CFAP299: variants seen among roughly 807,000 people sequenced by gnomAD.
CFAP299 encodes the protein cilia and flagella associated protein 299, also known as cilia- and flagella-associated protein 299.
In CFAP299, 21 loss-of-function variants were observed where a neutral mutation model predicts 27.0. The ratio of observed to expected loss-of-function variants is 0.78; its 90% CI spans 0.55 to 1.12. The LOEUF is 1.12. CFAP299 is among the 50% of genes most tolerant of loss of function. The pLI, the probability that CFAP299 is intolerant of heterozygous loss-of-function variation, is 0.00. For missense variants in CFAP299, 310 were observed against 276.6 expected (o/e 1.12, Z -0.86); for synonymous variants, 104 against 98.1 (o/e 1.06, Z -0.36).
intron 3 of CFAP299, among the ~76,000 whole-genome samples, chr4:80,619,796 A>G (rs983734069): frequency 1.3e-5 from 2 of 152,128 alleles, no homozygotes; most frequent in East Asian, 1.9e-4. Flanking sequence ...GACATATAAT[A>G]TATTGTGTCT....
At chr4:80,874,656 C>T (rs6827644) in intron 4 of CFAP299, among the ~76,000 whole-genome samples, 13,120 of 152,148 alleles carry the variant, frequency 0.086, 1,298 homozygotes, top group African/African-American at 0.24. Context: ...GGCACTAATC[C>T]ATTTCTGAGG....
chr4:80,924,538 G>GTGTATA (rs5859742), intron 4 of CFAP299, among the ~76,000 whole-genome samples: 36 of 131,688 alleles, frequency 2.7e-4, no homozygotes, highest in South Asian at 1.6e-3. Context: ...GTGTGTGTGT[G>GTGTATA]TATATATATA....
chr4:80,857,729 A>C (rs1191776918), intron 3 of CFAP299, among the ~76,000 whole-genome samples: 1 of 152,166 alleles, frequency 6.6e-6, no homozygotes, highest in Non-Finnish European at 1.5e-5. Context: ...CGTATATTGA[A>C]CCAGCCTTGC....
chr4:80,414,497 A>T (rs1726904463), intron 2 of CFAP299, among the ~76,000 whole-genome samples: 1 of 152,356 alleles, frequency 6.6e-6, no homozygotes, highest in South Asian at 2.1e-4. Flanking sequence ...GATTTGTACT[A>T]GTTTTAAAGT....
At chr4:80,847,830 T>G (rs546239180) in intron 3 of CFAP299, among the ~76,000 whole-genome samples, 1 of 152,324 alleles carries the variant, frequency 6.6e-6, no homozygotes, top group Admixed American at 6.5e-5. Flanking sequence ...TGAAGATTAT[T>G]TTGTTGGCCT....
chr4:80,911,664 T>C (rs1735479617), intron 4 of CFAP299, among the ~76,000 whole-genome samples: 1 of 152,154 alleles, frequency 6.6e-6, no homozygotes, highest in South Asian at 2.1e-4. Flanking sequence ...ATGACTTTCA[T>C]GTCACACTGA....
chr4:80,362,136 T>G (rs910909080), intron 1 of CFAP299, among the ~76,000 whole-genome samples: 4 of 151,548 alleles, frequency 2.6e-5, no homozygotes, highest in Non-Finnish European at 5.9e-5. Flanking sequence ...TTTTTCAATT[T>G]GAAATTTTTT....
At chr4:80,544,602 A>G (rs1215443147) in intron 2 of CFAP299, among the ~76,000 whole-genome samples, 6 of 152,216 alleles carry the variant, frequency 3.9e-5, no homozygotes, top group African/African-American at 1.4e-4. Flanking sequence ...TAAACCAACA[A>G]TGATCAAAAA....
intron 2 of CFAP299, among the ~76,000 whole-genome samples, chr4:80,481,613 C>A (rs935088522): frequency 2.0e-5 from 3 of 152,138 alleles, no homozygotes; most frequent in Admixed American, 2.0e-4. Context: ...AGGGAGCTTA[C>A]AGACCTCGTC....
intron 3 of CFAP299, among the ~76,000 whole-genome samples, chr4:80,687,999 C>A (rs557575507): frequency 2.6e-5 from 4 of 152,330 alleles, no homozygotes; most frequent in Admixed American, 2.0e-4. Flanking sequence ...AAAAACGGCG[C>A]ACCAGGAGAT....
chr4:80,928,536 A>C lies in CFAP299; in HGVS notation c.477-16274A>C, dbSNP rs540288355. On this transcript the variant is annotated intron_variant, in intron 4 of 5. Transcript: ENST00000358105. ...AGAAAGATCAATAAAGCTAAAGAGC[A>C]TCTCAATATTCATAATGTAAAAGTG... Among the ~76,000 whole-genome samples, 8 of 152,276 alleles carry C rather than the reference A, an allele frequency of 5.3e-5. No individual in the cohort carries two copies. In the South Asian group the frequency reaches 1.7e-3, roughly 32 times the overall value.
chr4:80,346,551 T>A (rs1722737715), intron 1 of CFAP299, among the ~76,000 whole-genome samples: 1 of 152,220 alleles, frequency 6.6e-6, no homozygotes, highest in Non-Finnish European at 1.5e-5. Context: ...CCAGTGCTTG[T>A]TTTTGTCAAG....
At chr4:80,851,896 C>T (rs1731546150) in intron 3 of CFAP299, among the ~76,000 whole-genome samples, 1 of 151,822 alleles carries the variant, frequency 6.6e-6, no homozygotes, top group South Asian at 2.1e-4. Flanking sequence ...AAAACCCTGG[C>T]GATATGATTT....
At chr4:80,757,573 GTT>G (rs80174769) in intron 3 of CFAP299, among the ~76,000 whole-genome samples, 2,761 of 152,124 alleles carry the variant, frequency 0.018, 60 homozygotes, top group East Asian at 0.059. Flanking sequence ...GCCTTCTATA[GTT>G]TCTTACCAGA....
At chr4:80,925,778 A>G (rs1736276773) in intron 4 of CFAP299, among the ~76,000 whole-genome samples, 1 of 152,056 alleles carries the variant, frequency 6.6e-6, no homozygotes, top group African/African-American at 2.4e-5. Context: ...GTCTCGTGGT[A>G]ATGAAGGAAT....
Position 80,455,890 on chromosome 4 carries a change from C to A in CFAP299, c.242+93006C>A, listed in dbSNP as rs1033263726. ...GGAATACAGTAGTGATCAAAACATACAAAAAATCCATGTATCCACAGAGCT... is the reference window on the plus strand; with the variant it reads ...GGAATACAGTAGTGATCAAAACATAAAAAAAATCCATGTATCCACAGAGCT... On this transcript the variant is annotated intron_variant, in intron 2 of 5. Transcript: ENST00000358105. Among the ~76,000 whole-genome samples, 5 of 151,234 alleles carry A rather than the reference C, an allele frequency of 3.3e-5. No homozygotes were observed. The South Asian group carries it at 1.0e-3, about 32-fold the overall frequency.
At chr4:80,406,832 C>A (rs1726452251) in intron 2 of CFAP299, among the ~76,000 whole-genome samples, 1 of 152,118 alleles carries the variant, frequency 6.6e-6, no homozygotes, top group Non-Finnish European at 1.5e-5. Context: ...CCCACAACAA[C>A]CTTGAAGGGT....
chr4:80,654,325 G>T (rs993652811), intron 3 of CFAP299, among the ~76,000 whole-genome samples: 1 of 151,988 alleles, frequency 6.6e-6, no homozygotes, highest in Non-Finnish European at 1.5e-5. Flanking sequence ...GGTATTTATT[G>T]GTCTGGAAGA....
At chr4:80,861,250 TA>T (rs1732331608) in intron 3 of CFAP299, among the ~76,000 whole-genome samples, 1 of 152,208 alleles carries the variant, frequency 6.6e-6, no homozygotes, top group Admixed American at 6.5e-5. Context: ...CGCCGTTTTT[TA>T]AGCCCGTCAG....
Sources: allele counts gnomAD v4.1 joint callset (sites outside exome capture counted in the v4.1 genomes callset), GRCh38; gene constraint gnomAD v4.1.1; transcripts MANE v1.5; gene names NCBI Gene and HGNC (gene_info 2026-07-23, HGNC 2026-07-21).